The following MAP3K5 variants were observed in gnomAD, a reference collection of about 807,000 sequenced individuals.
MAP3K5 encodes the protein mitogen-activated protein kinase kinase kinase 5.
MAP3K5 carries 56 observed loss-of-function variants against 158.7 expected under a neutral mutation model. The ratio of observed to expected loss-of-function variants is 0.35; its 90% CI spans 0.28 to 0.44. MAP3K5 has a LOEUF of 0.44. MAP3K5 is among the 20% of genes least tolerant of loss of function. The pLI, the probability that MAP3K5 is intolerant of heterozygous loss-of-function variation, is 1.00. For synonymous variants in MAP3K5, 579 were observed against 601.7 expected (o/e 0.96, Z 0.55); for missense variants, 1,294 against 1,674.8 (o/e 0.77, Z 3.97).
intron 21 of MAP3K5, among the ~76,000 whole-genome samples, chr6:136,594,092 A>G (rs1775516069): frequency 6.6e-6 from 1 of 152,258 alleles, no homozygotes; most frequent in Non-Finnish European, 1.5e-5. Context: ...ACTAGAAGGC[A>G]GGAAGCAAGA....
At chr6:136,755,933 A>C (rs1783459633) in intron 1 of MAP3K5, among the ~76,000 whole-genome samples, 1 of 152,112 alleles carries the variant, frequency 6.6e-6, no homozygotes, top group Non-Finnish European at 1.5e-5. Flanking sequence ...GGTGTAAGTT[A>C]AAAGGAAAAA....
In MAP3K5 at chr6:136,792,222, AGCTCGGGGCTGCTCCGCGCCCGCCGG is replaced by A; in HGVS notation, c.-91_-66del. The A allele has an allele frequency of 6.8e-7, 1 of 1,480,362 alleles. No homozygotes were observed. The highest frequency in any genetic ancestry group is 8.9e-7 in the Non-Finnish European group (1 of 1,123,194). 91.7% of individuals were successfully genotyped at this position (1,480,362 alleles called of 1,614,324 possible). On this transcript the variant is annotated 5_prime_UTR_variant, in exon 1 of 30. Transcript: ENST00000359015. This position sits in a 1 kb window ranked among gnomAD's most constrained non-coding sequence, Gnocchi z 5.7. ...CCAGCCGCACCGCCTGGCCAGCCACAGCTCGGGGCTGCTCCGCGCCCGCCGGGCTAAGCAGCTGCCATCGCGCGCCG... is the reference window on the plus strand; with the variant it reads ...CCAGCCGCACCGCCTGGCCAGCCACAGCTAAGCAGCTGCCATCGCGCGCCG...
In MAP3K5 at chr6:136,592,503, G is replaced by A; in HGVS notation, c.2990C>T (p.Ser997Phe). 6.2e-7 allele frequency: 1 copy of A among 1,614,074 alleles called. No homozygotes were observed. Among genetic ancestry groups the A allele is most frequent in the Non-Finnish European group, 8.5e-7 (1 of 1,180,018 alleles). Reference sequence around the variant, plus strand: ...GCAGGACTTGGCTCTTGTTTTGAAAGAGAAGGGGTCCACTTTCAACTCCGT... The same window carrying A: ...GCAGGACTTGGCTCTTGTTTTGAAAAAGAAGGGGTCCACTTTCAACTCCGT... ...PDTELKVDPF[S>F]FKTRAKSCGE... Residue 997 changes from serine (S) to phenylalanine (F), a missense_variant, in exon 22 of 30, where the codon TCT becomes TTT. Coordinates refer to ENST00000359015, the MANE Select transcript of MAP3K5 (RefSeq NM_005923.4).
At position 136,576,965 on chromosome 6, in the gene MAP3K5, T is replaced by C. The variant is rs147229639; in HGVS notation, c.3517+3336A>G. Reference sequence around the variant, plus strand: ...CAGGCCATACCATAAGGCCTGCGCATCTAGTAGGCTCTGCCATCTAGGTTT... The same window carrying C: ...CAGGCCATACCATAAGGCCTGCGCACCTAGTAGGCTCTGCCATCTAGGTTT... On this transcript the variant is annotated intron_variant, in intron 25 of 29. Transcript: ENST00000359015. 3.5e-3 allele frequency among the ~76,000 whole-genome samples: 532 copies of C among 152,108 alleles called. 7 individuals carry two copies. The highest frequency in any genetic ancestry group is 0.012 in the African/African-American group (513 of 41,490).
intron 7 of MAP3K5, among the ~76,000 whole-genome samples, chr6:136,670,379 G>T (rs1004908182): frequency 6.6e-6 from 1 of 152,070 alleles, no homozygotes; most frequent in Non-Finnish European, 1.5e-5. Context: ...AAGAGGAACT[G>T]CCTGAGGCCA....
Position 136,614,303 on chromosome 6 carries a change from T to G in MAP3K5, c.2151-17A>C. On this transcript the variant is annotated splice_polypyrimidine_tract_variant and intron_variant, in intron 15 of 29. Transcript: ENST00000359015. ...TGAGAGTATCTAAAAGACATGCAATTGTCAATGAGTTAATTATGTAGCCAG... is the reference window on the plus strand; with the variant it reads ...TGAGAGTATCTAAAAGACATGCAATGGTCAATGAGTTAATTATGTAGCCAG... The G allele has an allele frequency of 6.2e-6, 10 of 1,609,080 alleles. No homozygotes were observed. Among genetic ancestry groups the G allele is most frequent in the Non-Finnish European group, 8.5e-6 (10 of 1,177,684 alleles).
Position 136,698,605 on chromosome 6 carries a change from G to C in MAP3K5, c.690C>G (p.Phe230Leu). 1.2e-6 allele frequency: 2 copies of C among 1,614,046 alleles called. No individual in the cohort carries two copies. Among genetic ancestry groups the C allele is most frequent in the South Asian group, 2.2e-5 (2 of 91,082 alleles). ...GCATGAGCTCTGTCAACCCCTTCAT[G>C]AAGCTGCTGTCACAGCAGTAGACTT... is the stretch of plus-strand genomic sequence containing the variant. ...HNKVYCCDSS[F>L]MKGLTELMQP... Residue 230 changes from phenylalanine (F) to leucine (L), a missense_variant, in exon 4 of 30, where the codon TTC (phenylalanine) becomes TTG (leucine). Transcript: ENST00000359015.
At chr6:136,767,382 A>C (rs2114991402) in intron 1 of MAP3K5, among the ~76,000 whole-genome samples, 1 of 150,720 alleles carries the variant, frequency 6.6e-6, no homozygotes, top group African/African-American at 2.4e-5. Flanking sequence ...GAGGGGACTA[A>C]AGGAAGGGAG....
At chr6:136,599,910 T>C (rs1583249687) in intron 21 of MAP3K5, among the ~76,000 whole-genome samples, 2 of 152,058 alleles carry the variant, frequency 1.3e-5, no homozygotes, top group East Asian at 3.9e-4. Context: ...GCCCAGGCTG[T>C]CTGTGGAGAA....
intron 21 of MAP3K5, among the ~76,000 whole-genome samples, chr6:136,599,665 A>T (rs996124704): frequency 6.6e-6 from 1 of 152,122 alleles, no homozygotes; most frequent in Non-Finnish European, 1.5e-5. Context: ...CTCTTTTAGG[A>T]TATTATTTTA....
Position 136,720,499 on chromosome 6 carries a change from T to A in MAP3K5, c.539A>T (p.Asn180Ile). 6 of 1,613,574 alleles carry A rather than the reference T, an allele frequency of 3.7e-6. No homozygotes were observed. The highest frequency in any genetic ancestry group is 5.1e-6 in the Non-Finnish European group (6 of 1,179,710). Residue 180 changes from asparagine (N) to isoleucine (I), a missense_variant, in exon 2 of 30, where the codon AAC becomes ATC. By Grantham distance (149) the Asn-to-Ile change is moderately radical. Transcript: ENST00000359015. Reference sequence around the variant, plus strand: ...GTTAGTATCACAGTAGAGGATGATGTTGTTGGCCATGCTGAAACTTTCTCT... The same window carrying A: ...GTTAGTATCACAGTAGAGGATGATGATGTTGGCCATGCTGAAACTTTCTCT... Reference protein sequence around the residue: ...GVRESFSMANNIILYCDTNSD... With the variant: ...GVRESFSMANIIILYCDTNSD...
chr6:136,604,270 C>T (rs908537771), intron 19 of MAP3K5, among the ~76,000 whole-genome samples: 4 of 150,248 alleles, frequency 2.7e-5, no homozygotes, highest in Admixed American at 6.7e-5. Flanking sequence ...TGCAGTGAGC[C>T]GAGATCGCGC....
chr6:136,585,497 A>ATTTG (rs1442847671), intron 23 of MAP3K5, among the ~76,000 whole-genome samples: 1 of 130,192 alleles, frequency 7.7e-6, no homozygotes, highest in Non-Finnish European at 1.6e-5. Context: ...TTATTTATTT[A>ATTTG]TTTATTTATT....
At chr6:136,584,801 C>G (rs1417044038) in intron 23 of MAP3K5, among the ~76,000 whole-genome samples, 1 of 152,158 alleles carries the variant, frequency 6.6e-6, no homozygotes, top group Non-Finnish European at 1.5e-5. Context: ...TCCTCAGGCT[C>G]ATATTCTGTT....
At chr6:136,746,278 A>C (rs1389868509) in intron 1 of MAP3K5, among the ~76,000 whole-genome samples, 1 of 143,242 alleles carries the variant, frequency 7.0e-6, no homozygotes, top group Non-Finnish European at 1.5e-5. Flanking sequence ...TAAATTTCAT[A>C]AAATTTTGAG....
At chr6:136,560,304 AC>A (rs1455425404) in intron 28 of MAP3K5, among the ~76,000 whole-genome samples, 1 of 152,034 alleles carries the variant, frequency 6.6e-6, no homozygotes, top group African/African-American at 2.4e-5. Context: ...ATATGGTGAA[AC>A]CCTGTTTCTA....
intron 5 of MAP3K5, 113 bp from the exon 6 acceptor site, chr6:136,696,170 C>G (rs1780593284): frequency 1.2e-5 from 7 of 603,158 alleles, no homozygotes; most frequent in Admixed American, 6.5e-5. Context: ...TAAAAAGACA[C>G]TAGAATCCAC....
chr6:136,664,839 G>A (rs1779158899), intron 8 of MAP3K5, among the ~76,000 whole-genome samples: 3 of 152,224 alleles, frequency 2.0e-5, no homozygotes. Flanking sequence ...GCTGCAGCAT[G>A]AGAATCGCTT....
At chr6:136,636,791 T>C in intron 14 of MAP3K5, 1 of 967,102 alleles carries the variant, frequency 1.0e-6, no homozygotes, top group South Asian at 4.8e-5. Context: ...AAAATAAAAA[T>C]AAAAACCATA....
Sources: gnomAD v4.1 joint callset for allele counts (sites outside exome capture counted in the v4.1 genomes callset) on GRCh38, gnomAD v4.1.1 for gene constraint, Gnocchi (gnomAD v3.1) non-coding constraint, MANE v1.5 for transcripts, NCBI Gene and HGNC (gene_info 2026-07-23, HGNC 2026-07-21) for gene names.